The following CENPP variants were observed in gnomAD, a reference collection of about 807,000 sequenced individuals.
CENPP encodes the protein centromere protein P.
Under a neutral mutation model 35.6 loss-of-function variants are expected in CENPP, and 24 were observed. The observed-to-expected ratio is 0.67, with a 90% CI of 0.49 to 0.95. CENPP has a LOEUF of 0.95. Ranked by LOEUF, CENPP falls within the 40% of genes least tolerant of loss-of-function variation. The pLI is 0.00. For missense variants in CENPP, 332 were observed against 345.3 expected, an observed-to-expected ratio of 0.96 and a Z score of 0.31; for synonymous variants, 120 against 125.5, an observed-to-expected ratio of 0.96 and a Z score of 0.29.
intron 5 of CENPP, among the ~76,000 whole-genome samples, chr9:92,570,525 T>A (rs569653392): frequency 6.6e-6 from 1 of 152,196 alleles, no homozygotes; most frequent in Non-Finnish European, 1.5e-5. Flanking sequence ...TCAGGGATAT[T>A]GGTCTAAAAT....
intron 5 of CENPP, among the ~76,000 whole-genome samples, chr9:92,588,351 C>T (rs190399526): frequency 1.3e-5 from 2 of 151,584 alleles, no homozygotes; most frequent in Non-Finnish European, 1.5e-5. Flanking sequence ...AGGTTCACAC[C>T]ATTCTCCTGC....
intron 5 of CENPP, among the ~76,000 whole-genome samples, chr9:92,515,408 C>T (rs1225008387): frequency 6.6e-6 from 1 of 152,100 alleles, no homozygotes; most frequent in Non-Finnish European, 1.5e-5. Flanking sequence ...ACATTTTATT[C>T]ACCTGTGGGC....
At chr9:92,478,456 G>C (rs562665574) in intron 5 of CENPP, among the ~76,000 whole-genome samples, 2 of 152,080 alleles carry the variant, frequency 1.3e-5, no homozygotes, top group African/African-American at 4.8e-5. Context: ...GGGGTTTTTT[G>C]TTTGTTTGTT....
At chr9:92,489,214 T>C (rs961732011) in intron 5 of CENPP, among the ~76,000 whole-genome samples, 2 of 152,246 alleles carry the variant, frequency 1.3e-5, no homozygotes, top group African/African-American at 2.4e-5. Context: ...CATGGACTAA[T>C]TCAGGATTAC....
At chr9:92,408,772 A>G (rs995058116) in intron 5 of CENPP, among the ~76,000 whole-genome samples, 8 of 152,118 alleles carry the variant, frequency 5.3e-5, no homozygotes, top group Non-Finnish European at 7.4e-5. Context: ...ATGTCTCCAG[A>G]CATTGCCAGC....
intron 5 of CENPP, among the ~76,000 whole-genome samples, chr9:92,583,150 T>C (rs1404756653): frequency 1.3e-5 from 2 of 152,212 alleles, no homozygotes; most frequent in Admixed American, 1.3e-4. Context: ...GTGTCCATCC[T>C]TGGTCTCATC....
At chr9:92,464,627 G>A (rs1486759363) in intron 5 of CENPP, 6 of 513,880 alleles carry the variant, frequency 1.2e-5, no homozygotes, top group African/African-American at 9.5e-5. Flanking sequence ...AACAGGTACT[G>A]CACAGAATGA....
intron 5 of CENPP, among the ~76,000 whole-genome samples, chr9:92,529,284 A>G (rs922092794): frequency 1.3e-5 from 2 of 152,200 alleles, no homozygotes; most frequent in African/African-American, 4.8e-5. Context: ...CAAATGTCTA[A>G]AACCCAAAAC....
chr9:92,407,535 A>G (rs1040271117), intron 5 of CENPP, among the ~76,000 whole-genome samples: 6 of 152,176 alleles, frequency 3.9e-5, no homozygotes, highest in Non-Finnish European at 7.3e-5. Flanking sequence ...CTTTTACTCT[A>G]CAGGAGTAAA....
chr9:92,325,922 A>G (rs7860297), upstream of CENPP: 216,039 of 1,275,268 alleles, frequency 0.17, 23,472 homozygotes, highest in African/African-American at 0.5. Context: ...AGCGCGCGCG[A>G]GGCTTGAAGC....
upstream of CENPP, chr9:92,325,739 C>G (rs1840434216): frequency 4.4e-6 from 2 of 451,780 alleles, no homozygotes; most frequent in Non-Finnish European, 8.0e-6. Flanking sequence ...TAGCAAAGAA[C>G]GCGCTCTCCA....
intron 4 of CENPP, among the ~76,000 whole-genome samples, chr9:92,364,157 T>C (rs111820746): frequency 1.8e-4 from 27 of 151,892 alleles, no homozygotes; most frequent in African/African-American, 5.5e-4. Flanking sequence ...GCCAATCCTG[T>C]TGTTTCTTGT....
intron 5 of CENPP, among the ~76,000 whole-genome samples, chr9:92,435,743 T>G (rs2130994195): frequency 6.6e-6 from 1 of 152,290 alleles, no homozygotes; most frequent in South Asian, 2.1e-4. Flanking sequence ...GTATCACTGG[T>G]TTATTCCTTT....
chr9:92,361,911 C>A (rs1044071363), intron 4 of CENPP, among the ~76,000 whole-genome samples: 14 of 151,992 alleles, frequency 9.2e-5, no homozygotes, highest in African/African-American at 3.1e-4. Flanking sequence ...CTTAGTTGAT[C>A]TCATAATATC....
At chr9:92,326,249 C>T in intron 1 of CENPP, 144 bp downstream of exon 1, 1 of 621,094 alleles carries the variant, frequency 1.6e-6, no homozygotes, top group Admixed American at 3.1e-5. Context: ...ATGACGATGG[C>T]CTAGAGTTGG....
At position 92,454,032 on chromosome 9, in the gene CENPP, C is replaced by A. The variant is rs939772107; in HGVS notation, c.564+74173C>A. ...TCATAATAGTTAAAGAAAATCACTT[C>A]AGTAATTTAGTCCTTCATAAACCCA... is the stretch of plus-strand genomic sequence containing the variant. On this transcript the variant is annotated intron_variant, in intron 5 of 7. Transcript: ENST00000375587. Among the ~76,000 whole-genome samples the A allele has an allele frequency of 2.0e-5, 3 of 152,204 alleles. No homozygotes were observed. In the South Asian group the frequency reaches 6.2e-4, roughly 32 times the overall value.
At chr9:92,612,476 G>T (rs373812004) in intron 6 of CENPP, 47 bp from the exon 7 acceptor site, 2 of 1,469,964 alleles carry the variant, frequency 1.4e-6, no homozygotes, top group Non-Finnish European at 1.9e-6. Flanking sequence ...TAATCTTTTC[G>T]CCAGATTTCA....
rs1843630152 is a variant in CENPP at position 92,416,875 on chromosome 9, A to C, written c.564+37016A>C. 3 of 1,614,004 alleles carry C rather than the reference A, an allele frequency of 1.9e-6. No homozygotes were observed. The East Asian group carries it at 6.7e-5, about 36-fold the overall frequency. The stretch of plus-strand genomic sequence containing the variant: ...ACATAAGTGAAGAAGGCAAACCAGG[A>C]GGCATTGATTCTAATCTGTTACTGC... On this transcript the variant is annotated intron_variant, in intron 5 of 7. Coordinates refer to ENST00000375587, the MANE Select transcript of CENPP (RefSeq NM_001012267.3).
At chr9:92,454,661 A>G (rs947237312) in intron 5 of CENPP, among the ~76,000 whole-genome samples, 1 of 152,074 alleles carries the variant, frequency 6.6e-6, no homozygotes, top group African/African-American at 2.4e-5. Flanking sequence ...GTAAATGTTT[A>G]TGGTTTACAA....
Sources: allele counts gnomAD v4.1 joint callset (sites outside exome capture counted in the v4.1 genomes callset), GRCh38; gene constraint gnomAD v4.1.1; transcripts MANE v1.5; gene names NCBI Gene and HGNC (gene_info 2026-07-23, HGNC 2026-07-21).